COL4A5: variants seen among roughly 807,000 people sequenced by gnomAD.
COL4A5 encodes the protein collagen type IV alpha 5 chain.
In COL4A5, 26 loss-of-function variants were observed where a neutral mutation model predicts 130.2. That is an observed-to-expected ratio of 0.20 (90% CI 0.15 to 0.28). COL4A5 has a LOEUF of 0.28. Among genes scored for constraint, COL4A5 ranks in the 10% least tolerant of loss-of-function variants. The pLI is 1.00. For synonymous variants in COL4A5, 496 were observed against 439.6 expected (o/e 1.13, Z -1.60); for missense variants, 1,131 against 1,344.3 (o/e 0.84, Z 2.48).
chrX:108,517,754 T>G (rs2147603256), intron 1 of COL4A5, among the ~76,000 whole-genome samples: 1 of 111,943 alleles, frequency 8.9e-6, no homozygotes, highest in Non-Finnish European at 1.9e-5. Context: ...CTTCAAAACT[T>G]TGGGAATGCA....
In COL4A5 at chrX:108,674,725, G is replaced by C; in HGVS notation, c.3800-20G>C. 1 of 1,198,673 alleles carries C rather than the reference G, an allele frequency of 8.3e-7. No homozygotes were observed. Among genetic ancestry groups the C allele is most frequent in the African/African-American group, 1.8e-5 (1 of 56,254 alleles). Reference sequence around the variant, plus strand: ...TGCTAACATCGATCTTTGGGCTTTGGTGAACTCTGATCTTCCCAGGTTTTC... The same window carrying C: ...TGCTAACATCGATCTTTGGGCTTTGCTGAACTCTGATCTTCCCAGGTTTTC... On this transcript the variant is annotated intron_variant, in intron 42 of 52. Transcript: ENST00000328300.
intron 1 of COL4A5, among the ~76,000 whole-genome samples, chrX:108,483,203 A>ATGTGTGTG (rs778401670): frequency 9.1e-5 from 9 of 99,325 alleles, no homozygotes; most frequent in African/African-American, 2.9e-4. Flanking sequence ...CTAATAGGAT[A>ATGTGTGTG]TGTGTGTGTG....
At chrX:108,528,245 A>G (rs1331303904) in intron 1 of COL4A5, among the ~76,000 whole-genome samples, 1 of 112,375 alleles carries the variant, frequency 8.9e-6, no homozygotes, top group Non-Finnish European at 1.9e-5. Flanking sequence ...TAACACACCA[A>G]GGAAACCATA....
chrX:108,537,404 T>A (rs2147650571), intron 1 of COL4A5, among the ~76,000 whole-genome samples: 1 of 112,135 alleles, frequency 8.9e-6, no homozygotes, highest in East Asian at 2.8e-4. Flanking sequence ...AAGCTACATG[T>A]TAATAAAAAA....
chrX:108,492,135 C>G (rs866676896), intron 1 of COL4A5, among the ~76,000 whole-genome samples: 4 of 111,690 alleles, frequency 3.6e-5, no homozygotes, highest in East Asian at 2.8e-4. Context: ...GCTTTCACCT[C>G]TGGCTTATCT....
chrX:108,633,315 T>C (rs1017746641), intron 36 of COL4A5, among the ~76,000 whole-genome samples: 1 of 111,251 alleles, frequency 9.0e-6, no homozygotes, highest in African/African-American at 3.3e-5. Context: ...TAAAAATAGA[T>C]TTATATATTT....
chrX:108,597,860 C>G (rs1347077375), intron 24 of COL4A5, among the ~76,000 whole-genome samples: 1 of 111,208 alleles, frequency 9.0e-6, no homozygotes, highest in Non-Finnish European at 1.9e-5. Context: ...ATAAGGTTCC[C>G]CATCTCTTAA....
At chrX:108,648,565 G>T (rs1164193283) in intron 36 of COL4A5, among the ~76,000 whole-genome samples, 2 of 111,677 alleles carry the variant, frequency 1.8e-5, no homozygotes, top group Non-Finnish European at 3.8e-5. Context: ...TCATACCAAG[G>T]ATGCAGTGAT....
At chrX:108,638,658 G>A (rs1368507301) in intron 36 of COL4A5, among the ~76,000 whole-genome samples, 2 of 111,900 alleles carry the variant, frequency 1.8e-5, no homozygotes, top group Non-Finnish European at 1.9e-5. Context: ...ATAATGCTAT[G>A]TAGAAAACTC....
chrX:108,624,143 T>G (rs1161229853), intron 33 of COL4A5, 93 bp from the exon 34 acceptor site: 1 of 660,927 alleles, frequency 1.5e-6, no homozygotes, highest in African/African-American at 2.1e-5. Flanking sequence ...CTAATTCACT[T>G]ATAGTTTAAC....
At chrX:108,544,445 C>T (rs145207280) in intron 2 of COL4A5, among the ~76,000 whole-genome samples, 27,191 of 110,980 alleles carry the variant, frequency 0.25, 2,771 homozygotes, top group East Asian at 0.57. Flanking sequence ...AGCCTTGCAT[C>T]CCAGGGATGA....
intron 49 of COL4A5, among the ~76,000 whole-genome samples, chrX:108,690,894 A>G (rs2068630308): frequency 8.9e-6 from 1 of 112,172 alleles, no homozygotes. Context: ...CACAATAGCA[A>G]AGATATGGAA....
At chrX:108,483,289 C>G (rs888471385) in intron 1 of COL4A5, among the ~76,000 whole-genome samples, 1 of 109,960 alleles carries the variant, frequency 9.1e-6, no homozygotes, top group Admixed American at 9.8e-5. Context: ...TACATGATCA[C>G]AAGGTCCCAC....
intron 1 of COL4A5, among the ~76,000 whole-genome samples, chrX:108,444,466 G>A (rs770459711): frequency 3.6e-5 from 4 of 111,387 alleles, no homozygotes; most frequent in East Asian, 5.7e-4. Context: ...TGATCCACCC[G>A]CCTTGGCCTC....
At chrX:108,647,332 T>C (rs982149010) in intron 36 of COL4A5, among the ~76,000 whole-genome samples, 5 of 111,557 alleles carry the variant, frequency 4.5e-5, no homozygotes, top group African/African-American at 1.6e-4. Context: ...TATTTTATTC[T>C]CTTTGAAGCA....
At chrX:108,482,746 A>G (rs2064904674) in intron 1 of COL4A5, among the ~76,000 whole-genome samples, 1 of 111,060 alleles carries the variant, frequency 9.0e-6, no homozygotes, top group African/African-American at 3.3e-5. Flanking sequence ...AAGGGCGAAG[A>G]CTCTCACTCA....
At chrX:108,684,752 A>T (rs760293815) in intron 47 of COL4A5, among the ~76,000 whole-genome samples, 4 of 112,545 alleles carry the variant, frequency 3.6e-5, no homozygotes, top group Non-Finnish European at 7.5e-5. Flanking sequence ...AACTAATTTC[A>T]TGAGGTCAGC....
intron 50 of COL4A5, among the ~76,000 whole-genome samples, chrX:108,693,274 G>C (rs2068665898): frequency 9.0e-6 from 1 of 111,446 alleles, no homozygotes. Context: ...CTGGAGAAAT[G>C]TGGGATGGCC....
At chrX:108,488,281 A>G (rs921971805) in intron 1 of COL4A5, among the ~76,000 whole-genome samples, 2 of 113,072 alleles carry the variant, frequency 1.8e-5, no homozygotes, top group Non-Finnish European at 3.7e-5. Context: ...ATAAGGAGCT[A>G]TGGCTACATG....
Sources: gnomAD v4.1 joint callset for allele counts (sites outside exome capture counted in the v4.1 genomes callset) on GRCh38, gnomAD v4.1.1 for gene constraint, MANE v1.5 for transcripts, NCBI Gene and HGNC (gene_info 2026-07-23, HGNC 2026-07-21) for gene names.